HLCS: variants seen among roughly 807,000 people sequenced by gnomAD.
HLCS encodes the protein biotin--protein ligase.
Under a neutral mutation model 75.0 loss-of-function variants are expected in HLCS, and 53 were observed. The ratio of observed to expected loss-of-function variants is 0.71; its 90% CI spans 0.57 to 0.89. HLCS has a LOEUF of 0.89. Ranked by LOEUF, HLCS falls within the 40% of genes least tolerant of loss-of-function variation. The probability of loss-of-function intolerance (pLI) is 0.00; values close to 1 mark genes in which losing one functional copy is unlikely to be tolerated. For synonymous variants in HLCS, 431 were observed against 428.6 expected (o/e 1.01, Z -0.07); for missense variants, 966 against 1,074.0 (o/e 0.90, Z 1.41).
At chr21:36,979,857 C>T (rs373810642) in intron 1 of HLCS, among the ~76,000 whole-genome samples, 14 of 151,960 alleles carry the variant, frequency 9.2e-5, no homozygotes, top group African/African-American at 2.9e-4. Flanking sequence ...AAGTTCAAGA[C>T]CAGCCTGGGC....
intron 2 of HLCS, among the ~76,000 whole-genome samples, chr21:36,953,037 TGTG>T (rs1327699374): frequency 6.6e-6 from 1 of 152,222 alleles, no homozygotes; most frequent in Non-Finnish European, 1.5e-5. Context: ...AAGGGGGCTA[TGTG>T]ACAAAGTTCT....
intron 6 of HLCS, among the ~76,000 whole-genome samples, chr21:36,805,044 A>C (rs552075943): frequency 4.0e-4 from 61 of 152,340 alleles, no homozygotes; most frequent in Non-Finnish European, 7.2e-4. Context: ...GGAGAGATTA[A>C]GCAAGGCTAC....
At chr21:36,910,834 A>G (rs528721205) in intron 5 of HLCS, among the ~76,000 whole-genome samples, 48 of 152,274 alleles carry the variant, frequency 3.2e-4, no homozygotes, top group African/African-American at 1.1e-3. Context: ...GCTGCACGGC[A>G]CTGCACCCTG....
chr21:36,761,456 G>A (rs1048441111), intron 8 of HLCS, among the ~76,000 whole-genome samples: 7 of 152,064 alleles, frequency 4.6e-5, no homozygotes, highest in African/African-American at 1.7e-4. Context: ...AGTAAACCAA[G>A]CATGGGGGGT....
At chr21:36,900,495 G>A (rs1045521571) in intron 5 of HLCS, among the ~76,000 whole-genome samples, 54 of 152,232 alleles carry the variant, frequency 3.5e-4, no homozygotes, top group African/African-American at 1.0e-3. Flanking sequence ...CGTCCACATC[G>A]CGGAGGGCCT....
chr21:36,821,104 G>T (rs2061827112), intron 6 of HLCS, among the ~76,000 whole-genome samples: 1 of 152,186 alleles, frequency 6.6e-6, no homozygotes, highest in Admixed American at 6.5e-5. Flanking sequence ...TCATCTGACA[G>T]CATCGTCCTC....
chr21:36,888,430 T>A, intron 6 of HLCS, among the ~76,000 whole-genome samples: 2 of 43,730 alleles, frequency 4.6e-5, no homozygotes, highest in Admixed American at 3.6e-4. Context: ...CCCCTTCCCA[T>A]TTAAAAAAAA....
At chr21:36,962,520 G>C (rs2068354369) in intron 1 of HLCS, among the ~76,000 whole-genome samples, 1 of 152,026 alleles carries the variant, frequency 6.6e-6, no homozygotes, top group Non-Finnish European at 1.5e-5. Context: ...CGGCACAGTG[G>C]CTCACGCCTG....
chr21:36,776,265 A>G (rs371551183), intron 6 of HLCS, among the ~76,000 whole-genome samples: 106 of 152,208 alleles, frequency 7.0e-4, no homozygotes, highest in African/African-American at 2.4e-3. Context: ...TCTATCCATC[A>G]TTATTTTCTG....
intron 6 of HLCS, among the ~76,000 whole-genome samples, chr21:36,790,201 C>T (rs945081126): frequency 2.6e-5 from 4 of 152,238 alleles, no homozygotes; most frequent in Non-Finnish European, 5.9e-5. Flanking sequence ...GTCAGGAGAT[C>T]AAGACCATCC....
At chr21:36,825,927 G>T (rs1021871024) in intron 6 of HLCS, among the ~76,000 whole-genome samples, 2 of 152,164 alleles carry the variant, frequency 1.3e-5, no homozygotes, top group Non-Finnish European at 1.5e-5. Context: ...AGTGGGGACA[G>T]TAAAGGGCGG....
intron 6 of HLCS, among the ~76,000 whole-genome samples, chr21:36,768,044 G>A (rs189270294): frequency 2.6e-5 from 4 of 152,274 alleles, no homozygotes; most frequent in Admixed American, 2.0e-4. Context: ...AGAATTTCCT[G>A]CAAGCTGCGC....
At chr21:36,914,995 C>T (rs1285752835) in intron 5 of HLCS, among the ~76,000 whole-genome samples, 1 of 152,260 alleles carries the variant, frequency 6.6e-6, no homozygotes, top group African/African-American at 2.4e-5. Flanking sequence ...CTGGTGCACC[C>T]AGAGGTGCCC....
At chr21:36,966,071 T>TCTCTCCTGGTTCACGGTCA (rs1432139082) in intron 1 of HLCS, among the ~76,000 whole-genome samples, 2 of 152,088 alleles carry the variant, frequency 1.3e-5, no homozygotes, top group Admixed American at 1.3e-4. Context: ...GCCACAGCTG[T>TCTCTCCTGGTTCACGGTCA]CTCTCCTGGT....
intron 6 of HLCS, among the ~76,000 whole-genome samples, chr21:36,832,201 T>C (rs2062235797): frequency 6.6e-6 from 1 of 152,182 alleles, no homozygotes; most frequent in Non-Finnish European, 1.5e-5. Flanking sequence ...GTCCTCTGGC[T>C]GTATGTGCTC....
chr21:36,872,676 T>C (rs117513334), intron 6 of HLCS, among the ~76,000 whole-genome samples: 2,434 of 152,346 alleles, frequency 0.016, 26 homozygotes, highest in Non-Finnish European at 0.025. Flanking sequence ...CTCATTCCTT[T>C]TTATTGCTAA....
At chr21:36,821,378 C>A (rs1030232950) in intron 6 of HLCS, among the ~76,000 whole-genome samples, 2 of 152,144 alleles carry the variant, frequency 1.3e-5, no homozygotes, top group Non-Finnish European at 2.9e-5. Flanking sequence ...TATTGAACCA[C>A]TGCCAAGAAG....
chr21:36,906,658 C>T (rs1349747158), intron 5 of HLCS, among the ~76,000 whole-genome samples: 1 of 148,734 alleles, frequency 6.7e-6, no homozygotes, highest in Non-Finnish European at 1.5e-5. Flanking sequence ...AATGTAATCC[C>T]AGTCAAAATC....
At chr21:36,832,148 G>C (rs1191440519) in intron 6 of HLCS, among the ~76,000 whole-genome samples, 1 of 152,212 alleles carries the variant, frequency 6.6e-6, no homozygotes. Flanking sequence ...GTTGCGGCTA[G>C]ATATGCCTCG....
Sources: allele counts gnomAD v4.1 joint callset (sites outside exome capture counted in the v4.1 genomes callset), GRCh38; gene constraint gnomAD v4.1.1; transcripts MANE v1.5; gene names NCBI Gene and HGNC (gene_info 2026-07-23, HGNC 2026-07-21).